Variants in ADAMTS6 observed in about 807,000 individuals in gnomAD.
ADAMTS6 encodes ADAM metallopeptidase with thrombospondin type 1 motif 6.
ADAMTS6 carries 23 observed loss-of-function variants against 144.3 expected under a neutral mutation model. The observed-to-expected ratio is 0.16, with a 90% confidence interval of 0.11 to 0.23. ADAMTS6 has a LOEUF of 0.23. ADAMTS6 is among the 10% of genes least tolerant of loss of function. ADAMTS6 has a pLI of 1.00. For synonymous variants in ADAMTS6, 444 were observed against 457.5 expected, an observed-to-expected ratio of 0.97 and a Z score of 0.38; for missense variants, 999 against 1,379.6, an observed-to-expected ratio of 0.72 and a Z score of 4.37.
At chr5:65,177,152 C>T (rs753469691) in intron 22 of ADAMTS6, among the ~76,000 whole-genome samples, 2 of 152,134 alleles carry the variant, frequency 1.3e-5, no homozygotes, top group African/African-American at 4.8e-5. Context: ...CTGAGACTGC[C>T]GTTCGTAGAG....
rs759380334 is a variant in ADAMTS6, at chr5:65,226,200, T to C, written c.1953A>G (p.Ala651=). ...PYTGGGVKPC[A]LNCLAEGYNF... The stretch of plus-strand genomic sequence containing the variant: ...TATAACCTTCAGCCAAGCAGTTTAA[T>C]GCACAAGGTTTTACCCCACCTGGAC... The change falls in exon 16 of 25, where the codon GCA becomes GCG. Residue 651 remains alanine, a synonymous_variant. Coordinates refer to ENST00000381055, the MANE Select transcript of ADAMTS6 (RefSeq NM_197941.4). The C allele has an allele frequency of 3.7e-6, 6 of 1,613,844 alleles. No individual in the cohort carries two copies. The Admixed American group carries it at 6.7e-5, about 18-fold the overall frequency.
intron 12 of ADAMTS6, 35 bp from the exon 13 acceptor site, chr5:65,262,997 T>G: frequency 6.2e-7 from 1 of 1,613,106 alleles, no homozygotes; most frequent in Non-Finnish European, 8.5e-7. Flanking sequence ...GAATTAGCTT[T>G]TAGGCAGATA....
intron 22 of ADAMTS6, among the ~76,000 whole-genome samples, chr5:65,187,672 T>C (rs1330135178): frequency 6.6e-6 from 1 of 152,228 alleles, no homozygotes; most frequent in Non-Finnish European, 1.5e-5. Context: ...ACTCTCCTTT[T>C]GAACTTCAAT....
intron 3 of ADAMTS6, 150 bp from the exon 4 acceptor site, chr5:65,460,488 A>G: frequency 5.7e-6 from 4 of 696,418 alleles, no homozygotes; most frequent in Non-Finnish European, 9.2e-6. Context: ...TCTGTACTCA[A>G]TTAAAACATT....
At chr5:65,263,936 A>G (rs889682211) in intron 12 of ADAMTS6, among the ~76,000 whole-genome samples, 2 of 152,178 alleles carry the variant, frequency 1.3e-5, no homozygotes, top group Non-Finnish European at 2.9e-5. Flanking sequence ...TCAACCTTAT[A>G]TTAAAATGAA....
intron 7 of ADAMTS6, among the ~76,000 whole-genome samples, chr5:65,374,443 C>A (rs1320105563): frequency 6.7e-6 from 1 of 148,562 alleles, no homozygotes; most frequent in East Asian, 2.0e-4. Flanking sequence ...ACAAAAATCA[C>A]AAGCATTCTT....
chr5:65,393,181 C>G (rs983735034), intron 7 of ADAMTS6, among the ~76,000 whole-genome samples: 3 of 152,158 alleles, frequency 2.0e-5, no homozygotes, highest in Non-Finnish European at 4.4e-5. Context: ...TTATTACTCT[C>G]TAGGCTTAAA....
At chr5:65,310,916 T>C (rs2112841567) in intron 9 of ADAMTS6, among the ~76,000 whole-genome samples, 1 of 152,310 alleles carries the variant, frequency 6.6e-6, no homozygotes, top group Non-Finnish European at 1.5e-5. Flanking sequence ...TAATTTTGCT[T>C]TTTGTTTTGG....
intron 10 of ADAMTS6, among the ~76,000 whole-genome samples, chr5:65,293,579 T>A (rs1329741702): frequency 1.3e-5 from 2 of 152,080 alleles, no homozygotes; most frequent in African/African-American, 4.8e-5. Context: ...TCTTTTCTGA[T>A]GGCAAATTGG....
At chr5:65,200,070 TGG>T (rs1755635526) in intron 20 of ADAMTS6, among the ~76,000 whole-genome samples, 1 of 152,182 alleles carries the variant, frequency 6.6e-6, no homozygotes, top group South Asian at 2.1e-4. Flanking sequence ...TTAGACAGTG[TGG>T]TATTTCACAC....
At chr5:65,228,701 G>A (rs56285328) in intron 15 of ADAMTS6, among the ~76,000 whole-genome samples, 29,188 of 152,076 alleles carry the variant, frequency 0.19, 3,778 homozygotes, top group African/African-American at 0.37. Context: ...GAGACTCCCT[G>A]CCACCCTCCC....
At chr5:65,269,005 CT>C (rs960137057) in intron 12 of ADAMTS6, among the ~76,000 whole-genome samples, 8 of 150,544 alleles carry the variant, frequency 5.3e-5, no homozygotes, top group Admixed American at 4.6e-4. Context: ...CCTGTTCCTT[CT>C]GGTGAGAGTA....
At chr5:65,292,883 C>T (rs1742459092) in intron 10 of ADAMTS6, among the ~76,000 whole-genome samples, 1 of 152,070 alleles carries the variant, frequency 6.6e-6, no homozygotes, top group African/African-American at 2.4e-5. Flanking sequence ...CTTTTTTCAC[C>T]CAGCTATCCA....
At chr5:65,402,801 A>G (rs916487128) in intron 7 of ADAMTS6, among the ~76,000 whole-genome samples, 1 of 152,018 alleles carries the variant, frequency 6.6e-6, no homozygotes, top group East Asian at 1.9e-4. Flanking sequence ...GTCTAGCTTT[A>G]ATAATTCTCA....
chr5:65,476,234 A>T (rs1760831605), intron 1 of ADAMTS6, among the ~76,000 whole-genome samples: 1 of 150,860 alleles, frequency 6.6e-6, no homozygotes, highest in Non-Finnish European at 1.5e-5. Context: ...GCTTAGAAAC[A>T]GGTTTTTCCC....
At chr5:65,158,111 C>T (rs532596192) in intron 24 of ADAMTS6, among the ~76,000 whole-genome samples, 1 of 152,280 alleles carries the variant, frequency 6.6e-6, no homozygotes, top group African/African-American at 2.4e-5. Flanking sequence ...TGTGAACCTG[C>T]ATGCTAAGTG....
chr5:65,441,851 A>G (rs1343307951), intron 7 of ADAMTS6, among the ~76,000 whole-genome samples: 2 of 151,942 alleles, frequency 1.3e-5, no homozygotes, highest in Non-Finnish European at 2.9e-5. Context: ...AAAAAAAGAA[A>G]TACTCTAAAG....
chr5:65,169,843 A>C (rs952651363), intron 24 of ADAMTS6, among the ~76,000 whole-genome samples: 3 of 143,426 alleles, frequency 2.1e-5, no homozygotes, highest in Non-Finnish European at 4.5e-5. Context: ...CAATGAGATC[A>C]CATGGACACA....
intron 15 of ADAMTS6, among the ~76,000 whole-genome samples, chr5:65,234,395 C>T (rs1435017447): frequency 1.1e-5 from 1 of 88,176 alleles, no homozygotes; most frequent in African/African-American, 4.1e-5. Flanking sequence ...ACTCATACAA[C>T]TCAATAGTAA....
Sources: allele counts gnomAD v4.1 joint callset (sites outside exome capture counted in the v4.1 genomes callset), GRCh38; gene constraint gnomAD v4.1.1; transcripts MANE v1.5; gene names NCBI Gene and HGNC (gene_info 2026-07-23, HGNC 2026-07-21).